The following DNAH11 variants were observed in gnomAD, a reference collection of about 807,000 sequenced individuals.
DNAH11 encodes the protein axonemal beta dynein heavy chain 11.
Under a neutral mutation model 526.0 loss-of-function variants are expected in DNAH11, and 442 were observed. The ratio of observed to expected loss-of-function variants is 0.84; its 90% CI spans 0.78 to 0.91. The LOEUF (loss-of-function observed/expected upper bound fraction) is 0.91. Among genes scored for constraint, DNAH11 ranks in the 40% least tolerant of loss-of-function variants. The probability of loss-of-function intolerance (pLI) is 0.00; values close to 1 mark genes in which losing one functional copy is unlikely to be tolerated. For missense variants in DNAH11, 6,989 were observed against 5,448.7 expected, an observed-to-expected ratio of 1.28 and a Z score of -8.90; for synonymous variants, 2,461 against 1,935.9, an observed-to-expected ratio of 1.27 and a Z score of -7.12.
At chr7:21,869,018 C>A (rs755086220) in intron 73 of DNAH11, 27 bp downstream of exon 73, 37 of 1,613,180 alleles carry the variant, frequency 2.3e-5, no homozygotes, top group Non-Finnish European at 3.1e-5. Context: ...AGGGAAGACA[C>A]TGGGCATAAA....
intron 44 of DNAH11, among the ~76,000 whole-genome samples, chr7:21,722,776 G>C (rs1447941085): frequency 6.6e-6 from 1 of 152,152 alleles, no homozygotes; most frequent in Non-Finnish European, 1.5e-5. Flanking sequence ...TGTTAATGGA[G>C]GCCACATGCA....
At chr7:21,583,617 G>A (rs57268660) in intron 9 of DNAH11, among the ~76,000 whole-genome samples, 38,973 of 152,006 alleles carry the variant, frequency 0.26, 5,679 homozygotes, top group African/African-American at 0.4. Context: ...TCTCCACAGC[G>A]AAAGAAACTA....
rs1421654823 is a variant in DNAH11, at chr7:21,892,322, T to C, written c.12508-103T>C. ...TAGGGAGCCTGCTACCCAGACAGCATTGTGCTGGAGCCTTCTTGTCAGGGT... is the reference window on the plus strand; with the variant it reads ...TAGGGAGCCTGCTACCCAGACAGCACTGTGCTGGAGCCTTCTTGTCAGGGT... On this transcript the variant is annotated intron_variant, in intron 76 of 81. Coordinates refer to ENST00000409508, the MANE Select transcript of DNAH11 (RefSeq NM_001277115.2). 8.1e-6 allele frequency: 12 copies of C among 1,483,434 alleles called. No individual in the cohort carries two copies. In the East Asian group the frequency reaches 1.8e-4, roughly 23 times the overall value. The allele number at this position is 1,483,434 out of a possible 1,614,324, so 91.9% of individuals were successfully genotyped here.
chr7:21,599,757 A>G, intron 14 of DNAH11, 30 bp from the exon 15 acceptor site: 1 of 1,430,772 alleles, frequency 7.0e-7, no homozygotes, highest in Non-Finnish European at 9.3e-7. Flanking sequence ...ATTTGTTTAT[A>G]TTCATCCACT....
At chr7:21,656,178 G>A (rs983742791) in intron 29 of DNAH11, among the ~76,000 whole-genome samples, 197 bp downstream of exon 29, 1 of 152,108 alleles carries the variant, frequency 6.6e-6, no homozygotes, top group Non-Finnish European at 1.5e-5. Context: ...TACTCATGTG[G>A]CTTTGGCACC....
intron 41 of DNAH11, 40 bp downstream of exon 41, chr7:21,710,743 C>G (rs1784435081): frequency 6.3e-7 from 1 of 1,575,158 alleles, no homozygotes; most frequent in South Asian, 1.2e-5. Flanking sequence ...ATATAACATC[C>G]TGAGTGTATT....
intron 45 of DNAH11, among the ~76,000 whole-genome samples, chr7:21,729,570 T>G (rs1224331116): frequency 6.6e-6 from 1 of 152,224 alleles, no homozygotes; most frequent in Non-Finnish European, 1.5e-5. Flanking sequence ...AACACTTTTC[T>G]TAGAAATCTC....
In DNAH11 at chr7:21,547,070, C is replaced by A. The variant is rs148529353; in HGVS notation, c.495+1921C>A. ...CTTACAAATGCAAAAACTACACAAA[C>A]TGACAACTAAAATAAGACAAAACCT... On this transcript the variant is annotated intron_variant, in intron 2 of 81. Coordinates refer to ENST00000409508, the MANE Select transcript of DNAH11 (RefSeq NM_001277115.2). Among the ~76,000 whole-genome samples, 151 of 152,288 alleles carry A rather than the reference C, an allele frequency of 9.9e-4. 2 individuals carry two copies. The highest frequency in any genetic ancestry group is 3.5e-3 in the African/African-American group (146 of 41,554).
intron 18 of DNAH11, among the ~76,000 whole-genome samples, chr7:21,603,498 C>T (rs1173878119): frequency 6.6e-6 from 1 of 152,148 alleles, no homozygotes; most frequent in Admixed American, 6.5e-5. Flanking sequence ...TTCACAGTGG[C>T]TGTTTTGTTT....
intron 58 of DNAH11, 69 bp from the exon 59 acceptor site, chr7:21,786,555 A>G: frequency 6.6e-7 from 1 of 1,507,904 alleles, no homozygotes; most frequent in Non-Finnish European, 8.9e-7. Flanking sequence ...CTTGCTTGGC[A>G]ACTTACAGAG....
Position 21,742,183 on chromosome 7 carries a change from A to T in DNAH11, c.8154+17A>T, listed in dbSNP as rs375809821. Reference sequence around the variant, plus strand: ...GTCTTCCAGGTACCTTGACTGCTCTATGTTATGCCTCTTGAGTAGAGAAAT... The same window carrying T: ...GTCTTCCAGGTACCTTGACTGCTCTTTGTTATGCCTCTTGAGTAGAGAAAT... On this transcript the variant is annotated intron_variant, in intron 49 of 81. Coordinates refer to ENST00000409508, the MANE Select transcript of DNAH11 (RefSeq NM_001277115.2). The T allele has an allele frequency of 6.2e-7, 1 of 1,612,142 alleles. No individual in the cohort carries two copies. The highest frequency in any genetic ancestry group is 1.3e-5 in the African/African-American group (1 of 74,858).
intron 20 of DNAH11, among the ~76,000 whole-genome samples, chr7:21,610,376 A>G (rs1785471894): frequency 6.6e-6 from 1 of 152,204 alleles, no homozygotes; most frequent in African/African-American, 2.4e-5. Context: ...TAAGACAGGA[A>G]ATTGAAATGG....
intron 45 of DNAH11, among the ~76,000 whole-genome samples, chr7:21,726,860 CAAAAAAAAAAAAAAAAA>C (rs1166791175): frequency 1.4e-4 from 2 of 13,812 alleles, no homozygotes; most frequent in African/African-American, 3.9e-4. Context: ...GACTCTGTCT[CAAAAAAAAAAAAAAAAA>C]AAAAAAAAAA....
At chr7:21,750,434 G>GT (rs1203769979) in intron 54 of DNAH11, 70 bp downstream of exon 54, 52 of 1,522,892 alleles carry the variant, frequency 3.4e-5, no homozygotes, top group Non-Finnish European at 4.5e-5. Context: ...TCTATTCTGA[G>GT]TTTTTTATTA....
intron 25 of DNAH11, among the ~76,000 whole-genome samples, chr7:21,622,931 C>G (rs541194823): frequency 0.048 from 7,350 of 152,080 alleles, 394 homozygotes; most frequent in African/African-American, 0.13. Flanking sequence ...GTCTAAAACA[C>G]CAAAAGCAAT....
chr7:21,842,847 A>C, intron 66 of DNAH11, 99 bp downstream of exon 66: 1 of 1,034,982 alleles, frequency 9.7e-7, no homozygotes, highest in East Asian at 2.6e-5. Context: ...CCTGCCCTCT[A>C]GAATCCTGCA....
At chr7:21,659,315 TC>T (rs1782151153) in intron 30 of DNAH11, among the ~76,000 whole-genome samples, 1 of 150,218 alleles carries the variant, frequency 6.7e-6, no homozygotes, top group East Asian at 1.9e-4. Context: ...TGTAAGACTC[TC>T]CAACTAGGCA....
Position 21,606,487 on chromosome 7 carries a change from C to T in DNAH11, c.3710C>T (p.Ser1237Leu). The change falls in exon 19 of 82, where the codon TCA becomes TTA. Residue 1237 changes from serine to leucine, a missense_variant. By Grantham distance (145) the Ser-to-Leu change is moderately radical. Transcript: ENST00000409508. The part of the protein sequence containing the change: ...KIAATVRHEV[S>L]PLHNAEVTLI... ...GCAGCAACTGTCAGACATGAAGTCTCACCTCTCCATAATGCGGAAGTCACT... is the reference window on the plus strand; with the variant it reads ...GCAGCAACTGTCAGACATGAAGTCTTACCTCTCCATAATGCGGAAGTCACT... The T allele has an allele frequency of 6.2e-7, 1 of 1,611,438 alleles. No individual in the cohort carries two copies.
intron 81 of DNAH11, among the ~76,000 whole-genome samples, chr7:21,900,365 C>T (rs976416808): frequency 1.9e-5 from 2 of 102,738 alleles, no homozygotes; most frequent in African/African-American, 3.0e-5. Flanking sequence ...GTTAATGCCA[C>T]TGAATAACAT....
Sources: gnomAD v4.1 joint callset for allele counts (sites outside exome capture counted in the v4.1 genomes callset) on GRCh38, gnomAD v4.1.1 for gene constraint, MANE v1.5 for transcripts, NCBI Gene and HGNC (gene_info 2026-07-23, HGNC 2026-07-21) for gene names.